Variants in OTOGL observed in about 807,000 individuals in gnomAD.
OTOGL encodes the protein otogelin-like protein.
In OTOGL, 285 loss-of-function variants were observed where a neutral mutation model predicts 318.5. That is an observed-to-expected ratio of 0.89 (90% CI 0.81 to 0.99). The LOEUF (loss-of-function observed/expected upper bound fraction) is 0.99, where lower values mean the gene tolerates loss of function less well. Ranked by LOEUF, OTOGL falls within the 50% of genes least tolerant of loss-of-function variation. The pLI is 0.00. For missense variants in OTOGL, 2,899 were observed against 2,845.6 expected (o/e 1.02, Z -0.43); for synonymous variants, 987 against 936.5 (o/e 1.05, Z -0.99).
chr12:80,339,349 C>G (rs1281641923), intron 43 of OTOGL, 85 bp downstream of exon 43: 2 of 1,103,016 alleles, frequency 1.8e-6, no homozygotes, highest in Non-Finnish European at 2.5e-6. Flanking sequence ...CATTTTGGAC[C>G]CTGTTGCCCC....
chr12:80,285,193 T>A (rs1041541446), intron 26 of OTOGL, among the ~76,000 whole-genome samples: 8 of 152,108 alleles, frequency 5.3e-5, no homozygotes, highest in Non-Finnish European at 1.2e-4. Flanking sequence ...GTTGTAGATA[T>A]GTGGCATTAT....
intron 1 of OTOGL, among the ~76,000 whole-genome samples, chr12:80,183,590 A>G (rs1875079864): frequency 6.6e-6 from 1 of 152,102 alleles, no homozygotes; most frequent in Non-Finnish European, 1.5e-5. Flanking sequence ...TCTGGAGCTC[A>G]AGAAAGAGAA....
intron 1 of OTOGL, among the ~76,000 whole-genome samples, chr12:80,208,881 G>A (rs562884827): frequency 6.6e-6 from 1 of 152,230 alleles, no homozygotes; most frequent in Non-Finnish European, 1.5e-5. Context: ...CTTAAAAATA[G>A]ATGCACATAG....
chr12:80,120,662 C>T (rs755323201), intron 1 of OTOGL, among the ~76,000 whole-genome samples: 4 of 152,150 alleles, frequency 2.6e-5, no homozygotes, highest in Non-Finnish European at 4.4e-5. Context: ...ATGAATATTG[C>T]TACACAAGAG....
intron 26 of OTOGL, among the ~76,000 whole-genome samples, chr12:80,286,879 T>C (rs919712911): frequency 2.0e-5 from 3 of 152,198 alleles, no homozygotes; most frequent in African/African-American, 7.2e-5. Context: ...CGTGTCTCTA[T>C]CTCCCTGAGT....
intron 11 of OTOGL, among the ~76,000 whole-genome samples, chr12:80,248,228 G>A (rs1323746009): frequency 6.8e-6 from 1 of 147,452 alleles, no homozygotes; most frequent in Admixed American, 6.7e-5. Context: ...TGGTCATTTT[G>A]CTCGTTAGTT....
At chr12:80,239,245 A>G in intron 10 of OTOGL, 88 bp from the exon 11 acceptor site, 5 of 1,112,306 alleles carry the variant, frequency 4.5e-6, no homozygotes, top group Non-Finnish European at 6.3e-6. Flanking sequence ...GAGAACTGAA[A>G]ATCTTGCAAA....
At chr12:80,374,063 A>G (rs1201828952) in intron 57 of OTOGL, among the ~76,000 whole-genome samples, 1 of 152,206 alleles carries the variant, frequency 6.6e-6, no homozygotes, top group African/African-American at 2.4e-5. Flanking sequence ...ATTAGTTTGC[A>G]GGGCTGCTGT....
chr12:80,238,148 T>C (rs1385641909), intron 9 of OTOGL, among the ~76,000 whole-genome samples: 6 of 152,168 alleles, frequency 3.9e-5, no homozygotes, highest in Admixed American at 2.0e-4. Context: ...CACTACCAAA[T>C]ATCTGTTTGT....
intron 6 of OTOGL, 151 bp from the exon 7 acceptor site, chr12:80,221,940 C>A: frequency 2.6e-6 from 2 of 765,464 alleles, no homozygotes; most frequent in South Asian, 3.0e-5. Flanking sequence ...TTGAGAGCAA[C>A]TGTTAATTTT....
At chr12:80,333,340 G>A (rs1232535968) in intron 38 of OTOGL, among the ~76,000 whole-genome samples, 1 of 150,626 alleles carries the variant, frequency 6.6e-6, no homozygotes, top group Non-Finnish European at 1.5e-5. Context: ...ATCTAGTATG[G>A]ATTTATCTGT....
At chr12:80,221,655 T>G (rs140809052) in intron 6 of OTOGL, among the ~76,000 whole-genome samples, 204 of 147,192 alleles carry the variant, frequency 1.4e-3, no homozygotes, top group Non-Finnish European at 2.5e-3. Context: ...ATAGTTATTT[T>G]TCTCTGTGGA....
chr12:80,103,195 T>G, intron 1 of OTOGL: 1 of 1,400,980 alleles, frequency 7.1e-7, no homozygotes. Flanking sequence ...CGGATGGGCA[T>G]GGATCGCTCG....
chr12:80,118,314 C>T (rs527789273), intron 1 of OTOGL, among the ~76,000 whole-genome samples: 6 of 152,284 alleles, frequency 3.9e-5, no homozygotes, highest in South Asian at 2.1e-4. Flanking sequence ...CTGCTGCCAT[C>T]GGCTGTGAAG....
intron 24 of OTOGL, among the ~76,000 whole-genome samples, chr12:80,274,273 G>C (rs1315123835): frequency 6.6e-6 from 1 of 152,048 alleles, no homozygotes; most frequent in Non-Finnish European, 1.5e-5. Flanking sequence ...GAAATGAAAA[G>C]TGCTACTACT....
At chr12:80,373,356 C>T (rs377347465) in intron 57 of OTOGL, among the ~76,000 whole-genome samples, 9 of 152,008 alleles carry the variant, frequency 5.9e-5, no homozygotes, top group Non-Finnish European at 1.0e-4. Flanking sequence ...CACTTGAACC[C>T]GAGAGGCGGA....
rs1045389738 is a variant in OTOGL, at chr12:80,103,096, T to C, written c.-20+3491T>C. The C allele has an allele frequency of 1.4e-5, 16 of 1,110,034 alleles. No individual in the cohort carries two copies. In the African/African-American group the frequency reaches 2.4e-4, roughly 17 times the overall value. 68.8% of individuals were successfully genotyped at this position (1,110,034 alleles called of 1,614,324 possible). Reference sequence around the variant, plus strand: ...TCCCGCTGCACCCATTCAATGTAGATAACATATTTCTTCCTGTAAACCTGG... The same window carrying C: ...TCCCGCTGCACCCATTCAATGTAGACAACATATTTCTTCCTGTAAACCTGG... On this transcript the variant is annotated intron_variant, in intron 1 of 58. Transcript: ENST00000547103.
intron 52 of OTOGL, among the ~76,000 whole-genome samples, chr12:80,365,645 A>G (rs1219960618): frequency 1.3e-5 from 2 of 152,140 alleles, no homozygotes; most frequent in Non-Finnish European, 2.9e-5. Context: ...ATTTATTTCC[A>G]GTCCCATTGG....
intron 52 of OTOGL, 52 bp downstream of exon 52, chr12:80,358,952 T>C: frequency 7.6e-7 from 1 of 1,309,344 alleles, no homozygotes; most frequent in South Asian, 1.4e-5. Flanking sequence ...ATCTGTTTAT[T>C]CTTCCTTTAT....
Sources: allele counts gnomAD v4.1 joint callset (sites outside exome capture counted in the v4.1 genomes callset), GRCh38; gene constraint gnomAD v4.1.1; transcripts MANE v1.5; gene names NCBI Gene and HGNC (gene_info 2026-07-23, HGNC 2026-07-21).